TMEM144: variants seen among roughly 807,000 people sequenced by gnomAD.
TMEM144 encodes transmembrane protein 144.
In TMEM144, 39 loss-of-function variants were observed where a neutral mutation model predicts 43.6. The observed-to-expected ratio is 0.90, with a 90% CI of 0.69 to 1.17. The LOEUF (loss-of-function observed/expected upper bound fraction) is 1.17, where lower values mean the gene tolerates loss of function less well. Among genes scored for constraint, TMEM144 ranks in the 50% most tolerant of loss-of-function variants. The pLI is 0.00. For synonymous variants in TMEM144, 154 were observed against 133.6 expected, an observed-to-expected ratio of 1.15 and a Z score of -1.06; for missense variants, 417 against 411.9, an observed-to-expected ratio of 1.01 and a Z score of -0.11.
chr4:158,248,682 A>G (rs1736017592), intron 12 of TMEM144, among the ~76,000 whole-genome samples: 1 of 152,202 alleles, frequency 6.6e-6, no homozygotes, highest in Admixed American at 6.5e-5. Flanking sequence ...TAAACTCTAA[A>G]GAAGAAAACA....
Position 158,212,605 on chromosome 4 carries a change from C to A in TMEM144, c.-60-3C>A. Reference sequence around the variant, plus strand: ...AATTGTTTCATTTTTTCTTTTATTTCAGAAGCTCCTGAAAAGTACATCAAG... The same window carrying A: ...AATTGTTTCATTTTTTCTTTTATTTAAGAAGCTCCTGAAAAGTACATCAAG... On this transcript the variant is annotated splice_polypyrimidine_tract_variant and splice_region_variant and intron_variant, in intron 2 of 12. Coordinates refer to ENST00000296529, the MANE Select transcript of TMEM144 (RefSeq NM_018342.5). 1 of 1,191,498 alleles carries A rather than the reference C, an allele frequency of 8.4e-7. No homozygotes were observed. The highest frequency in any genetic ancestry group is 2.4e-5 in the Admixed American group (1 of 41,370). The allele number at this position is 1,191,498 out of a possible 1,614,324, so 73.8% of individuals were successfully genotyped here. A position where few individuals can be genotyped will look rare whatever the true frequency, so the allele number is the denominator to read the frequency against.
At chr4:158,227,457 T>G (rs1202670297) in intron 6 of TMEM144, among the ~76,000 whole-genome samples, 1 of 152,188 alleles carries the variant, frequency 6.6e-6, no homozygotes, top group African/African-American at 2.4e-5. Flanking sequence ...TACTTTCAAT[T>G]ATCAATTACA....
intron 10 of TMEM144, 94 bp from the exon 11 acceptor site, chr4:158,241,415 T>G (rs1735630319): frequency 1.1e-6 from 1 of 916,764 alleles, no homozygotes; most frequent in Non-Finnish European, 1.7e-6. Flanking sequence ...TAGAATGCAT[T>G]TATATGTGCA....
chr4:158,212,993 G>A (rs573920173), intron 3 of TMEM144: 2 of 579,338 alleles, frequency 3.5e-6, no homozygotes, highest in South Asian at 2.2e-5. Context: ...GTTAGGGAGG[G>A]TACAGTCAGG....
chr4:158,210,975 A>G (rs1446999275), intron 1 of TMEM144: 1 of 152,274 alleles, frequency 6.6e-6, no homozygotes, highest in Non-Finnish European at 1.5e-5. Flanking sequence ...AAAAGAAAAC[A>G]TTAAAATAAT....
chr4:158,242,533 T>C (rs1333976283), intron 11 of TMEM144, among the ~76,000 whole-genome samples: 3 of 152,216 alleles, frequency 2.0e-5, no homozygotes, highest in Non-Finnish European at 4.4e-5. Context: ...CAGAATACAT[T>C]TTAAATATCC....
At chr4:158,248,594 T>C (rs1234163869) in intron 12 of TMEM144, among the ~76,000 whole-genome samples, 2 of 152,190 alleles carry the variant, frequency 1.3e-5, no homozygotes, top group African/African-American at 4.8e-5. Flanking sequence ...TAGAAAAGCA[T>C]CATCAACTGA....
At chr4:158,244,096 T>C (rs1735757110) in intron 11 of TMEM144, among the ~76,000 whole-genome samples, 200 bp from the exon 12 acceptor site, 1 of 152,042 alleles carries the variant, frequency 6.6e-6, no homozygotes, top group African/African-American at 2.4e-5. Flanking sequence ...ATGAAGACCA[T>C]GAAGAAAAGA....
At chr4:158,251,808 C>G (rs1736219721) in intron 12 of TMEM144, among the ~76,000 whole-genome samples, 1 of 152,074 alleles carries the variant, frequency 6.6e-6, no homozygotes. Flanking sequence ...AAATAGGAAC[C>G]CCAACCCCCT....
At chr4:158,222,959 A>G (rs17037300) in intron 6 of TMEM144, among the ~76,000 whole-genome samples, 3,875 of 152,300 alleles carry the variant, frequency 0.025, 66 homozygotes, top group African/African-American at 0.042. Flanking sequence ...TACTGCACCA[A>G]GTTATTTTAA....
At position 158,217,312 on chromosome 4, in the gene TMEM144, C is replaced by T; in HGVS notation, c.233-9C>T. The T allele has an allele frequency of 6.5e-7, 1 of 1,537,346 alleles. No homozygotes were observed. Among genetic ancestry groups the T allele is most frequent in the Non-Finnish European group, 9.0e-7 (1 of 1,111,716 alleles). ...AATAACATGTTTCTTCTGTATATTACATCTACAGGGAACATTGCTGTTGTC... is the reference window on the plus strand; with the variant it reads ...AATAACATGTTTCTTCTGTATATTATATCTACAGGGAACATTGCTGTTGTC... On this transcript the variant is annotated splice_polypyrimidine_tract_variant and intron_variant, in intron 4 of 12. Transcript: ENST00000296529.
intron 1 of TMEM144, 93 bp downstream of exon 1, chr4:158,210,679 C>T (rs1733914213): frequency 6.6e-6 from 1 of 152,184 alleles, no homozygotes; most frequent in African/African-American, 2.4e-5. Context: ...AAAGAAAAAT[C>T]AAGGCTCGGA....
At chr4:158,224,839 C>A (rs1323118534) in intron 6 of TMEM144, among the ~76,000 whole-genome samples, 2 of 152,162 alleles carry the variant, frequency 1.3e-5, no homozygotes, top group South Asian at 2.1e-4. Context: ...TGCTCTCATC[C>A]ACGTACAGCT....
At chr4:158,247,578 G>A (rs58343998) in intron 12 of TMEM144, among the ~76,000 whole-genome samples, 23,755 of 151,942 alleles carry the variant, frequency 0.16, 2,268 homozygotes, top group African/African-American at 0.26. Flanking sequence ...TATGAAATCA[G>A]TTGCCTTCCA....
Position 158,247,292 on chromosome 4 carries a change from A to G in TMEM144, c.954+2943A>G, listed in dbSNP as rs74608364. Among the ~76,000 whole-genome samples, 1,069 of 152,120 alleles carry G rather than the reference A, an allele frequency of 7.0e-3. 15 individuals are homozygous for G. The highest frequency in any genetic ancestry group is 0.022 in the African/African-American group (915 of 41,550). Reference sequence around the variant, plus strand: ...GTTTCATGAAACATAAGAGTTCTCCATATATTGGAAGTCAAGGATTTCTCC... The same window carrying G: ...GTTTCATGAAACATAAGAGTTCTCCGTATATTGGAAGTCAAGGATTTCTCC... On this transcript the variant is annotated intron_variant, in intron 12 of 12. Transcript: ENST00000296529.
intron 12 of TMEM144, among the ~76,000 whole-genome samples, chr4:158,245,983 A>C (rs1486949318): frequency 6.6e-6 from 1 of 152,020 alleles, no homozygotes; most frequent in Non-Finnish European, 1.5e-5. Flanking sequence ...AAAATCAGAG[A>C]ACTTCTCCCC....
At chr4:158,221,586 C>G (rs1734513462) in intron 6 of TMEM144, among the ~76,000 whole-genome samples, 1 of 152,128 alleles carries the variant, frequency 6.6e-6, no homozygotes, top group Non-Finnish European at 1.5e-5. Flanking sequence ...GACAGATGTC[C>G]TTTTCAATTC....
intron 6 of TMEM144, among the ~76,000 whole-genome samples, chr4:158,224,235 T>C (rs1734641802): frequency 6.6e-6 from 1 of 152,220 alleles, no homozygotes; most frequent in African/African-American, 2.4e-5. Flanking sequence ...TCATATCCTT[T>C]GCCCACTTTT....
intron 6 of TMEM144, among the ~76,000 whole-genome samples, chr4:158,219,822 TC>T (rs573703376): frequency 6.1e-4 from 93 of 152,284 alleles, no homozygotes; most frequent in African/African-American, 2.2e-3. Flanking sequence ...AGTTTCCACT[TC>T]CCCTGTCTCC....
Sources: gnomAD v4.1 joint callset for allele counts (sites outside exome capture counted in the v4.1 genomes callset) on GRCh38, gnomAD v4.1.1 for gene constraint, MANE v1.5 for transcripts, NCBI Gene and HGNC (gene_info 2026-07-23, HGNC 2026-07-21) for gene names.